Variants in ENAH observed in about 807,000 individuals in gnomAD.
The protein encoded by ENAH is ENAH actin regulator.
Under a neutral mutation model 78.7 loss-of-function variants are expected in ENAH, and 23 were observed. The observed-to-expected ratio is 0.29, with a 90% CI of 0.21 to 0.41. ENAH has a LOEUF of 0.41. Ranked by LOEUF, ENAH falls within the 10% of genes least tolerant of loss-of-function variation. The pLI is 1.00. For missense variants in ENAH, 544 were observed against 691.0 expected (o/e 0.79, Z 2.39); for synonymous variants, 226 against 241.0 (o/e 0.94, Z 0.58).
intron 1 of ENAH, among the ~76,000 whole-genome samples, chr1:225,634,941 A>G (rs1279327162): frequency 6.6e-6 from 1 of 152,196 alleles, no homozygotes; most frequent in Non-Finnish European, 1.5e-5. Flanking sequence ...ATTTTTGCAA[A>G]AAACGCCATT....
At chr1:225,588,009 A>G (rs1341474913) in intron 1 of ENAH, among the ~76,000 whole-genome samples, 1 of 152,218 alleles carries the variant, frequency 6.6e-6, no homozygotes, top group African/African-American at 2.4e-5. Flanking sequence ...CCTAAAAGCT[A>G]GACCCATAAA....
intron 2 of ENAH, among the ~76,000 whole-genome samples, chr1:225,563,156 C>T (rs2096716906): frequency 6.6e-6 from 1 of 152,190 alleles, no homozygotes; most frequent in African/African-American, 2.4e-5. Flanking sequence ...AGCAACCTCA[C>T]TGAAAATCTT....
At chr1:225,588,827 G>GAAAAAAAAAAAA (rs2096860965) in intron 1 of ENAH, among the ~76,000 whole-genome samples, 1 of 132,124 alleles carries the variant, frequency 7.6e-6, no homozygotes. Context: ...AAAAAAAAAG[G>GAAAAAAAAAAAA]AAAAAACTTG....
At position 225,497,678 on chromosome 1, in the gene ENAH, C is replaced by G; in HGVS notation, c.*97G>C. ...TCTGTTTGTCTCCATTTTCTTCTTACAGCTCATAAATGTAGGGGTTTGCTG... is the reference window on the plus strand; with the variant it reads ...TCTGTTTGTCTCCATTTTCTTCTTAGAGCTCATAAATGTAGGGGTTTGCTG... On this transcript the variant is annotated 3_prime_UTR_variant, in exon 14 of 14. Coordinates refer to ENST00000366843, the MANE Select transcript of ENAH (RefSeq NM_018212.6). 8.1e-7 allele frequency: 1 copy of G among 1,228,108 alleles called. No homozygotes were observed. The highest frequency in any genetic ancestry group is 1.5e-5 in the South Asian group (1 of 68,154). 76.1% of individuals were successfully genotyped at this position (1,228,108 alleles called of 1,614,324 possible).
intron 1 of ENAH, among the ~76,000 whole-genome samples, chr1:225,612,777 A>G (rs1439402486): frequency 6.6e-6 from 1 of 152,066 alleles, no homozygotes; most frequent in East Asian, 1.9e-4. Flanking sequence ...CCTTCTGAGG[A>G]CCAACCGTAA....
intron 1 of ENAH, among the ~76,000 whole-genome samples, chr1:225,645,819 T>C (rs1661854857): frequency 6.6e-6 from 1 of 152,206 alleles, no homozygotes; most frequent in African/African-American, 2.4e-5. Context: ...CAAAAATAAA[T>C]TATTTAGTAA....
At chr1:225,629,992 G>C (rs1044529583) in intron 1 of ENAH, among the ~76,000 whole-genome samples, 1 of 152,118 alleles carries the variant, frequency 6.6e-6, no homozygotes, top group African/African-American at 2.4e-5. Context: ...GGAAGGAATG[G>C]CATGAAAAAT....
intron 1 of ENAH, among the ~76,000 whole-genome samples, chr1:225,646,844 T>C (rs1405918117): frequency 1.3e-5 from 2 of 152,038 alleles, no homozygotes; most frequent in East Asian, 1.9e-4. Context: ...CCACCCAGTC[T>C]ATGGTATTTT....
chr1:225,544,504 G>A (rs1457448612), intron 3 of ENAH, among the ~76,000 whole-genome samples: 1 of 152,298 alleles, frequency 6.6e-6, no homozygotes, highest in East Asian at 1.9e-4. Flanking sequence ...ACAGAATATA[G>A]TGTCTGTATG....
At chr1:225,545,899 A>G (rs1312806232) in intron 3 of ENAH, among the ~76,000 whole-genome samples, 1 of 145,288 alleles carries the variant, frequency 6.9e-6, no homozygotes, top group Non-Finnish European at 1.5e-5. Flanking sequence ...AATGATTAGG[A>G]CATCTGTAAA....
chr1:225,608,815 CA>C (rs928281132), intron 1 of ENAH, among the ~76,000 whole-genome samples: 897 of 20,602 alleles, frequency 0.044, 4 homozygotes, highest in African/African-American at 0.096. Flanking sequence ...GACTCTGTCT[CA>C]AAAAAAAAAA....
rs2096261451 is a variant in ENAH, at chr1:225,498,348, A to G, written c.1674T>C (p.Asp558=). ...ELTKLKEELI[D]AIRQELSKSN... The stretch of plus-strand genomic sequence containing the variant: ...TAGTAAATTTGTCCAGACACTTACC[A>G]TCAATGAGCTCTTCTTTTAGCTTTG... Residue 558 remains aspartate (D), a splice_region_variant and synonymous_variant, in exon 13 of 14, where the codon GAT becomes GAC. Transcript: ENST00000366843. 1 of 1,592,616 alleles carries G rather than the reference A, an allele frequency of 6.3e-7. No homozygotes were observed. The highest frequency in any genetic ancestry group is 1.7e-5 in the Admixed American group (1 of 58,238).
At chr1:225,586,489 C>T (rs574367263) in intron 1 of ENAH, among the ~76,000 whole-genome samples, 5 of 151,994 alleles carry the variant, frequency 3.3e-5, no homozygotes, top group Admixed American at 2.6e-4. Flanking sequence ...CAGCTTGATT[C>T]ATGAGACCAG....
intron 7 of ENAH, 72 bp from the exon 8 acceptor site, chr1:225,513,088 AAAAC>A: frequency 2.3e-6 from 3 of 1,305,564 alleles, no homozygotes; most frequent in African/African-American, 1.5e-5. Flanking sequence ...TATTACATCT[AAAAC>A]AGAAGGAAAC....
intron 1 of ENAH, among the ~76,000 whole-genome samples, chr1:225,639,214 G>T (rs1016237228): frequency 6.6e-6 from 1 of 152,168 alleles, no homozygotes; most frequent in African/African-American, 2.4e-5. Flanking sequence ...GGGGCATGAG[G>T]GAACTTAATG....
chr1:225,633,284 T>C (rs994017652), intron 1 of ENAH, among the ~76,000 whole-genome samples: 1 of 151,400 alleles, frequency 6.6e-6, no homozygotes, highest in Non-Finnish European at 1.5e-5. Context: ...TCTCCTGACC[T>C]CGTGATCCAC....
At chr1:225,524,067 T>A (rs1006790512) in intron 4 of ENAH, among the ~76,000 whole-genome samples, 1 of 152,192 alleles carries the variant, frequency 6.6e-6, no homozygotes, top group Non-Finnish European at 1.5e-5. Flanking sequence ...CAGAAACAAT[T>A]ATAGTGCAAA....
At chr1:225,604,664 G>A (rs1237976803) in intron 1 of ENAH, among the ~76,000 whole-genome samples, 1 of 151,596 alleles carries the variant, frequency 6.6e-6, no homozygotes, top group Non-Finnish European at 1.5e-5. Flanking sequence ...ATGGTGGTGG[G>A]TGCCTGTAGT....
chr1:225,571,954 T>C (rs143485647), intron 1 of ENAH, among the ~76,000 whole-genome samples: 2 of 152,250 alleles, frequency 1.3e-5, no homozygotes, highest in African/African-American at 4.8e-5. Context: ...AGTGAAGCGC[T>C]TTCCTGAGTT....
Sources: allele counts gnomAD v4.1 joint callset (sites outside exome capture counted in the v4.1 genomes callset), GRCh38; gene constraint gnomAD v4.1.1; transcripts MANE v1.5; gene names NCBI Gene and HGNC (gene_info 2026-07-23, HGNC 2026-07-21).